Variants in RICTOR observed in about 807,000 individuals in gnomAD.
The protein encoded by RICTOR is rapamycin-insensitive companion of mTOR.
In RICTOR, 49 loss-of-function variants were observed where a neutral mutation model predicts 214.9. That is an observed-to-expected ratio of 0.23 (90% CI 0.18 to 0.29). The LOEUF (loss-of-function observed/expected upper bound fraction) is 0.29, where lower values mean the gene tolerates loss of function less well. RICTOR is among the 10% of genes least tolerant of loss of function. The probability of loss-of-function intolerance (pLI) is 1.00; values close to 1 mark genes in which losing one functional copy is unlikely to be tolerated. For missense variants in RICTOR, 1,625 were observed against 2,047.0 expected, an observed-to-expected ratio of 0.79 and a Z score of 3.98; for synonymous variants, 717 against 711.3, an observed-to-expected ratio of 1.01 and a Z score of -0.13.
At chr5:38,995,656 T>C (rs1753126834) in intron 6 of RICTOR, among the ~76,000 whole-genome samples, 1 of 152,126 alleles carries the variant, frequency 6.6e-6, no homozygotes, top group Non-Finnish European at 1.5e-5. Flanking sequence ...ATATATATTT[T>C]AGTCCCTAAC....
chr5:39,018,652 T>C (rs1185113590), intron 3 of RICTOR, among the ~76,000 whole-genome samples: 1 of 152,130 alleles, frequency 6.6e-6, no homozygotes, highest in Non-Finnish European at 1.5e-5. Context: ...TAAAGGACGA[T>C]GAACTTAATA....
chr5:39,059,572 GTCC>G (rs1758407010), intron 2 of RICTOR, among the ~76,000 whole-genome samples: 1 of 152,008 alleles, frequency 6.6e-6, no homozygotes, highest in South Asian at 2.1e-4. Flanking sequence ...AGTTCTGAAG[GTCC>G]TCAACAACTT....
intron 2 of RICTOR, among the ~76,000 whole-genome samples, chr5:39,022,036 A>G (rs1755462002): frequency 6.6e-6 from 1 of 152,110 alleles, no homozygotes; most frequent in Non-Finnish European, 1.5e-5. Flanking sequence ...AACCCATAAA[A>G]CCATTGTTTT....
intron 2 of RICTOR, among the ~76,000 whole-genome samples, chr5:39,047,035 A>G (rs1757544885): frequency 6.6e-6 from 1 of 152,190 alleles, no homozygotes; most frequent in South Asian, 2.1e-4. Flanking sequence ...CAAATTTAGC[A>G]TGTCCTGTAA....
chr5:38,988,066 A>G (rs1185196327), intron 7 of RICTOR, among the ~76,000 whole-genome samples: 2 of 152,182 alleles, frequency 1.3e-5, no homozygotes, highest in African/African-American at 4.8e-5. Context: ...CTGTAGCCTG[A>G]GAGACTGTCT....
At chr5:39,073,366 A>T (rs530790786) in intron 2 of RICTOR, among the ~76,000 whole-genome samples, 1 of 152,364 alleles carries the variant, frequency 6.6e-6, no homozygotes, top group Admixed American at 6.5e-5. Flanking sequence ...ACTGGCTAGT[A>T]ACGGGATTAG....
chr5:39,033,255 C>T (rs1443777242), intron 2 of RICTOR, among the ~76,000 whole-genome samples: 1 of 151,788 alleles, frequency 6.6e-6, no homozygotes, highest in Non-Finnish European at 1.5e-5. Context: ...TACCAGTGTC[C>T]TACTCTTTTT....
rs1297212652 is a variant in RICTOR at position 38,996,466 on chromosome 5, C to A, written c.456+353G>T. ...TGTGACTTCCATTTAATACTATTAA[C>A]TCTAAGTATGCAATTAAGAGAAAAT... On this transcript the variant is annotated intron_variant, in intron 6 of 37. Coordinates refer to ENST00000357387, the MANE Select transcript of RICTOR (RefSeq NM_152756.5). Among the ~76,000 whole-genome samples, 5 of 152,160 alleles carry A rather than the reference C, an allele frequency of 3.3e-5. No homozygotes were observed. The South Asian group carries it at 8.3e-4, about 25-fold the overall frequency.
At chr5:38,944,347 T>TGTA in intron 36 of RICTOR, 99 bp downstream of exon 36, 1 of 1,217,198 alleles carries the variant, frequency 8.2e-7, no homozygotes, top group South Asian at 1.3e-5. Context: ...GAACTACTGA[T>TGTA]GTAAGTTAAC....
rs940885420 is a variant in RICTOR, at chr5:38,938,198, A to C, written c.*4106T>G. 3.6e-5 allele frequency: 8 copies of C among 222,842 alleles called. No individual in the cohort carries two copies. The highest frequency in any genetic ancestry group is 5.8e-5 in the Admixed American group (1 of 17,388). The allele number at this position is 222,842 out of a possible 1,614,324, so 13.8% of individuals were successfully genotyped here. On this transcript the variant is annotated 3_prime_UTR_variant, in exon 38 of 38. Coordinates refer to ENST00000357387, the MANE Select transcript of RICTOR (RefSeq NM_152756.5). ...GATTTCAATGTCTGTTCAGTGACCT[A>C]CAAACACCAGAACCTCCAAATATGT...
At chr5:38,983,226 T>C (rs576742430) in intron 7 of RICTOR, among the ~76,000 whole-genome samples, 1 of 152,352 alleles carries the variant, frequency 6.6e-6, no homozygotes, top group South Asian at 2.1e-4. Flanking sequence ...ACACAAGTCA[T>C]ACACAGTTCT....
chr5:39,067,902 A>G (rs945935923), intron 2 of RICTOR, among the ~76,000 whole-genome samples: 22 of 152,286 alleles, frequency 1.4e-4, no homozygotes, highest in African/African-American at 3.9e-4. Context: ...CTTCCAGTCA[A>G]TTAATGCCTC....
At chr5:39,067,611 T>C (rs1475227628) in intron 2 of RICTOR, among the ~76,000 whole-genome samples, 1 of 152,202 alleles carries the variant, frequency 6.6e-6, no homozygotes, top group Non-Finnish European at 1.5e-5. Flanking sequence ...TTTCCATTTA[T>C]ATCCCTTTTC....
At chr5:38,987,187 T>C (rs1357101505) in intron 7 of RICTOR, among the ~76,000 whole-genome samples, 2 of 152,208 alleles carry the variant, frequency 1.3e-5, no homozygotes, top group Non-Finnish European at 2.9e-5. Context: ...GAAATTTTCT[T>C]TTTTTGTTGT....
Position 38,942,314 on chromosome 5 carries a change from G to C in RICTOR, c.5117C>G (p.Ala1706Gly). 1 of 1,587,902 alleles carries C rather than the reference G, an allele frequency of 6.3e-7. No homozygotes were observed. Among genetic ancestry groups the C allele is most frequent in the Non-Finnish European group, 8.6e-7 (1 of 1,159,920 alleles). The change falls in exon 38 of 38, where the codon GCT (alanine) becomes GGT (glycine). Residue 1706 changes from alanine (A) to glycine (G), a missense_variant. Transcript: ENST00000357387. ...ATCATAAATATGAGGTCAGGATTCA[G>C]CAGATGTATCAACTATAGGTTGCTT... Reference protein sequence around the residue: ...PPKQPIVDTSAES With the variant: ...PPKQPIVDTSGES
intron 2 of RICTOR, among the ~76,000 whole-genome samples, chr5:39,021,956 G>A (rs936823870): frequency 1.3e-5 from 2 of 152,058 alleles, no homozygotes; most frequent in African/African-American, 2.4e-5. Flanking sequence ...GACTTAGAAC[G>A]GTTAGACCTA....
Position 39,019,685 on chromosome 5 carries a change from G to C in RICTOR, c.195+1354C>G, listed in dbSNP as rs570170884. On this transcript the variant is annotated intron_variant, in intron 3 of 37. Transcript: ENST00000357387. ...TCACCCAAGAGTTGACAGTTACAAG[G>C]AGATTAATGTTGTTTTCATGTTTGC... Among the ~76,000 whole-genome samples, 5 of 152,260 alleles carry C rather than the reference G, an allele frequency of 3.3e-5. No individual in the cohort carries two copies. In the South Asian group the frequency reaches 1.0e-3, roughly 32 times the overall value.
Position 38,952,304 on chromosome 5 carries a change from C to G in RICTOR, c.3019G>C (p.Asp1007His). The change falls in exon 30 of 38, where the codon GAT (aspartate) becomes CAT (histidine). Residue 1007 changes from aspartate (D) to histidine (H), a missense_variant. Transcript: ENST00000357387. ...AGTTCATTACAGAGTTGTTCCACAT[C>G]ATCTGGAACCACTGGCCACAGATGT... ...RKHLWPVVPD[D>H]VEQLCNELSS... The G allele has an allele frequency of 1.9e-6, 3 of 1,612,262 alleles. No individual in the cohort carries two copies. Among genetic ancestry groups the G allele is most frequent in the Non-Finnish European group, 2.5e-6 (3 of 1,178,566 alleles).
chr5:39,003,645 G>A, intron 3 of RICTOR, 23 bp from the exon 4 acceptor site: 1 of 1,482,462 alleles, frequency 6.7e-7, no homozygotes, highest in Non-Finnish European at 9.4e-7. Flanking sequence ...CAAAATAAGT[G>A]TGCATTTATG....
Sources: gnomAD v4.1 joint callset for allele counts (sites outside exome capture counted in the v4.1 genomes callset) on GRCh38, gnomAD v4.1.1 for gene constraint, MANE v1.5 for transcripts, NCBI Gene and HGNC (gene_info 2026-07-23, HGNC 2026-07-21) for gene names.